Variants in ZNF821 observed in about 807,000 individuals in gnomAD.
ZNF821 encodes zinc finger protein 821.
ZNF821 carries 16 observed loss-of-function variants against 44.3 expected under a neutral mutation model. The ratio of observed to expected loss-of-function variants is 0.36; its 90% CI spans 0.24 to 0.55. ZNF821 has a LOEUF of 0.55. Among genes scored for constraint, ZNF821 ranks in the 20% least tolerant of loss-of-function variants. ZNF821 has a pLI of 0.86. For missense variants in ZNF821, 436 were observed against 547.6 expected (o/e 0.80, Z 2.03); for synonymous variants, 204 against 197.6 (o/e 1.03, Z -0.27).
Position 71,865,025 on chromosome 16 carries a change from C to G in ZNF821, c.190G>C (p.Glu64Gln). ...SSSDSEGDEEETTQDEVSSHT... is the reference protein window; with the variant it reads ...SSSDSEGDEEQTTQDEVSSHT... Reference sequence around the variant, plus strand: ...GAAGAGACTTCATCTTGTGTCGTCTCCTCTTCATCACCCTCACTGTCACCT... The same window carrying G: ...GAAGAGACTTCATCTTGTGTCGTCTGCTCTTCATCACCCTCACTGTCACCT... The change falls in exon 5 of 8, where the codon GAG (glutamate) becomes CAG (glutamine). Residue 64 changes from glutamate (E) to glutamine (Q), a missense_variant. This residue lies in a region of ZNF821 where 238 missense variants were observed against 281.4 expected (regional missense o/e 0.85). Coordinates refer to ENST00000425432, the MANE Select transcript of ZNF821 (RefSeq NM_001201552.2). 1 of 1,614,202 alleles carries G rather than the reference C, an allele frequency of 6.2e-7. No homozygotes were observed. Among genetic ancestry groups the G allele is most frequent in the Non-Finnish European group, 8.5e-7 (1 of 1,180,036 alleles).
intron 1 of ZNF821, among the ~76,000 whole-genome samples, chr16:71,891,214 T>C (rs1032224565): frequency 2.0e-5 from 3 of 152,226 alleles, no homozygotes; most frequent in Admixed American, 2.0e-4. Flanking sequence ...TGTCTGGTTT[T>C]AGTTACAGCT....
At chr16:71,864,103 T>G (rs776633861) in intron 6 of ZNF821, 35 bp downstream of exon 6, 5 of 1,577,820 alleles carry the variant, frequency 3.2e-6, no homozygotes, top group Non-Finnish European at 1.7e-6. Flanking sequence ...CTGCCCACAC[T>G]TGTGTTCCAG....
chr16:71,887,561 C>G (rs2036866267), upstream of ZNF821, among the ~76,000 whole-genome samples: 2 of 152,128 alleles, frequency 1.3e-5, no homozygotes, highest in African/African-American at 4.8e-5. Flanking sequence ...GCGCGCAGCC[C>G]TCTGTGTTCA....
chr16:71,862,095 T>C (rs1239889949), intron 6 of ZNF821, among the ~76,000 whole-genome samples, 153 bp from the exon 7 acceptor site: 2 of 152,260 alleles, frequency 1.3e-5, no homozygotes, highest in African/African-American at 2.4e-5. Context: ...AGTCAGTCTC[T>C]TACATTAGAG....
Position 71,868,005 on chromosome 16 carries a change from C to A in ZNF821, c.73G>T (p.Ala25Ser). The change falls in exon 4 of 8, where the codon GCC becomes TCC. Residue 25 changes from alanine to serine, a missense_variant. Transcript: ENST00000425432. ...DQVFAGLEEQ[A>S]RQAMMKTDFP... ...TCAGTTTTCATCATCGCCTGGCGGG[C>A]TTGCTCTTCTAGCCCAGCAAATACT... is the stretch of plus-strand genomic sequence containing the variant. 1 of 1,535,884 alleles carries A rather than the reference C, an allele frequency of 6.5e-7. No individual in the cohort carries two copies. Among genetic ancestry groups the A allele is most frequent in the Non-Finnish European group, 8.7e-7 (1 of 1,146,808 alleles).
At position 71,873,707 on chromosome 16, in the gene ZNF821, G is replaced by A. The variant is rs527322637; in HGVS notation, c.41-5670C>T. Among the ~76,000 whole-genome samples the A allele has an allele frequency of 1.2e-3, 187 of 152,210 alleles. 1 individual carries two copies. Among genetic ancestry groups the A allele is most frequent in the Non-Finnish European group, 2.0e-3 (139 of 68,018 alleles). ...TTTGGTCTGTCACCCAGGCTGGAGTGCAGTGGTGCAATCATAGCTCATTGC... is the reference window on the plus strand; with the variant it reads ...TTTGGTCTGTCACCCAGGCTGGAGTACAGTGGTGCAATCATAGCTCATTGC... On this transcript the variant is annotated intron_variant, in intron 3 of 7. Coordinates refer to ENST00000425432, the MANE Select transcript of ZNF821 (RefSeq NM_001201552.2).
chr16:71,887,258 C>CG (rs1261251978), upstream of ZNF821, among the ~76,000 whole-genome samples: 3 of 97,638 alleles, frequency 3.1e-5, no homozygotes, highest in Non-Finnish European at 5.8e-5. Flanking sequence ...CTATATTCAA[C>CG]CTTTTTTTTT....
chr16:71,891,079 C>T (rs760937063), intron 1 of ZNF821, among the ~76,000 whole-genome samples: 43 of 152,142 alleles, frequency 2.8e-4, no homozygotes, highest in Non-Finnish European at 3.2e-4. Flanking sequence ...CAGCCCCTTC[C>T]TGCTTTTTAA....
At chr16:71,879,801 T>C (rs543905565) in intron 3 of ZNF821, 106 bp downstream of exon 3, 2 of 1,127,446 alleles carry the variant, frequency 1.8e-6, no homozygotes, top group African/African-American at 3.2e-5. Context: ...ACATTTAAAC[T>C]TTTCTTCTTC....
rs778693563 is a variant in ZNF821, at chr16:71,867,975, G to C, written c.103C>G (p.Pro35Ala). The C allele has an allele frequency of 6.3e-5, 97 of 1,535,912 alleles. No individual in the cohort carries two copies. Among genetic ancestry groups the C allele is most frequent in the South Asian group, 2.1e-4 (18 of 84,060 alleles). Residue 35 changes from proline to alanine, a missense_variant, in exon 4 of 8, where the codon CCT (proline) becomes GCT (alanine). Around this residue, in one of 5 missense-constraint regions of ZNF821, gnomAD observed 238 missense variants for 281.4 expected, o/e 0.85. Transcript: ENST00000425432. ...ARQAMMKTDF[P>A]GDLGSQRQAI... Reference sequence around the variant, plus strand: ...TGTCGCTGACTGCCAAGGTCTCCAGGAAAATCAGTTTTCATCATCGCCTGG... The same window carrying C: ...TGTCGCTGACTGCCAAGGTCTCCAGCAAAATCAGTTTTCATCATCGCCTGG...
upstream of ZNF821, chr16:71,884,615 C>T (rs970752432): frequency 6.6e-5 from 10 of 152,272 alleles, no homozygotes; most frequent in Non-Finnish European, 1.5e-4. Context: ...CATTCCCCCA[C>T]GCTTCGCGGT....
intron 1 of ZNF821, among the ~76,000 whole-genome samples, chr16:71,890,044 T>G (rs935824446): frequency 6.6e-6 from 1 of 152,210 alleles, no homozygotes; most frequent in African/African-American, 2.4e-5. Flanking sequence ...TGAGATAATG[T>G]GTTTATAGGT....
At position 71,880,135 on chromosome 16, in the gene ZNF821, T is replaced by C. The variant is rs554978831; in HGVS notation, c.-77-112A>G. ...CTCCTGAGCATATAAAACTCACCAG[T>C]TATAAATAATTGAACTAATGAAAGA... On this transcript the variant is annotated intron_variant, in intron 2 of 7. Coordinates refer to ENST00000425432, the MANE Select transcript of ZNF821 (RefSeq NM_001201552.2). 1.3e-5 allele frequency: 6 copies of C among 473,310 alleles called. No individual in the cohort carries two copies. In the South Asian group the frequency reaches 2.7e-4, roughly 21 times the overall value. The allele number at this position is 473,310 out of a possible 1,614,324, so 29.3% of individuals were successfully genotyped here. A position where few individuals can be genotyped will look rare whatever the true frequency, so the allele number is the denominator to read the frequency against.
chr16:71,861,603 T>C (rs555960122), intron 7 of ZNF821, among the ~76,000 whole-genome samples, 173 bp downstream of exon 7: 7 of 152,392 alleles, frequency 4.6e-5, no homozygotes, highest in South Asian at 2.1e-4. Context: ...CATTTTCCTT[T>C]GGGGCTATGT....
At chr16:71,875,478 G>T (rs2035702674) in intron 3 of ZNF821, among the ~76,000 whole-genome samples, 1 of 149,500 alleles carries the variant, frequency 6.7e-6, no homozygotes, top group South Asian at 2.1e-4. Context: ...TTTTGAGACG[G>T]AGTCTTGCTC....
In ZNF821 at chr16:71,860,075, G is replaced by C; in HGVS notation, c.1182C>G (p.Asp394Glu). 6.2e-7 allele frequency: 1 copy of C among 1,614,088 alleles called. No individual in the cohort carries two copies. Among genetic ancestry groups the C allele is most frequent in the Non-Finnish European group, 8.5e-7 (1 of 1,179,984 alleles). ...AGGCCATCTTGCCCAGAAGCTGGCT[G>C]TCCAACTCCACCCCACTTACAGGCA... ...FQLPVSGVEL[D>E]SQLLGKMAFE... Residue 394 changes from aspartate (D) to glutamate (E), a missense_variant, in exon 8 of 8, where the codon GAC becomes GAG. Coordinates refer to ENST00000425432, the MANE Select transcript of ZNF821 (RefSeq NM_001201552.2). This position sits in a 1 kb window ranked among gnomAD's most constrained non-coding sequence, Gnocchi z 7.3.
chr16:71,867,146 T>A (rs1353055381), intron 4 of ZNF821, among the ~76,000 whole-genome samples: 2 of 152,204 alleles, frequency 1.3e-5, no homozygotes, highest in African/African-American at 4.8e-5. Context: ...CTGCATAACC[T>A]CATTACTAAG....
At chr16:71,883,450 G>A (rs2036636921) in intron 1 of ZNF821, 177 bp from the exon 2 acceptor site, 1 of 338,048 alleles carries the variant, frequency 3.0e-6, no homozygotes, top group Non-Finnish European at 5.9e-6. Flanking sequence ...AGAGCCGGAG[G>A]TCTTCCGAGG....
chr16:71,891,417 C>G (rs1050270836), intron 1 of ZNF821: 1 of 152,194 alleles, frequency 6.6e-6, no homozygotes. Flanking sequence ...TTAATTCCCT[C>G]AGAGATACTG....
Sources: allele counts gnomAD v4.1 joint callset (sites outside exome capture counted in the v4.1 genomes callset), GRCh38; gene constraint gnomAD v4.1.1; regional missense constraint gnomAD v4.1.1; non-coding constraint Gnocchi (gnomAD v3.1); transcripts MANE v1.5; gene names NCBI Gene and HGNC (gene_info 2026-07-23, HGNC 2026-07-21).